The following AIM2 variants were observed in gnomAD, a reference collection of about 807,000 sequenced individuals.
AIM2 encodes the protein absent in melanoma 2.
A neutral mutation model predicts 27.7 loss-of-function variants in AIM2; 30 were observed. The ratio of observed to expected loss-of-function variants is 1.08; its 90% confidence interval spans 0.81 to 1.47. The LOEUF (loss-of-function observed/expected upper bound fraction) is 1.47. AIM2 is among the 40% of genes most tolerant of loss of function. The pLI is 0.00. For synonymous variants in AIM2, 141 were observed against 145.3 expected (o/e 0.97, Z 0.21); for missense variants, 358 against 411.3 (o/e 0.87, Z 1.12).
intron 1 of AIM2, among the ~76,000 whole-genome samples, chr1:159,104,193 C>T (rs866447188): frequency 5.6e-4 from 85 of 152,190 alleles, no homozygotes; most frequent in South Asian, 4.1e-4. Flanking sequence ...TGGAAAGAGA[C>T]TATTCCAAGA....
upstream of AIM2, among the ~76,000 whole-genome samples, chr1:159,078,502 A>G (rs1044608516): frequency 6.6e-5 from 10 of 152,208 alleles, no homozygotes; most frequent in African/African-American, 2.4e-4. Context: ...TTGAGGAAGA[A>G]CCCAACAAGC....
intron 1 of AIM2, among the ~76,000 whole-genome samples, chr1:159,104,233 C>A (rs1173047848): frequency 3.3e-5 from 5 of 152,194 alleles, no homozygotes; most frequent in Non-Finnish European, 7.4e-5. Context: ...GCCACGGTGA[C>A]AAGAGGGCTT....
chr1:159,091,122 T>C (rs749295735), intron 1 of AIM2, among the ~76,000 whole-genome samples: 2 of 152,216 alleles, frequency 1.3e-5, no homozygotes, highest in African/African-American at 2.4e-5. Context: ...AGAAATTGGC[T>C]TGTATGGTCC....
rs377764372 is a variant in AIM2 at position 159,094,878 on chromosome 1, G to C, written c.-15-28549C>G. On this transcript the variant is annotated intron_variant, in intron 1 of 2. Transcript: ENST00000368129. ...TGCTTTGTATGTCTAATTTATTTGG[G>C]GCCAATTATTCTTAGTCTAGGCTGC... Among the ~76,000 whole-genome samples, 12 of 151,428 alleles carry C rather than the reference G, an allele frequency of 7.9e-5. No individual in the cohort carries two copies. In the South Asian group the frequency reaches 2.5e-3, roughly 32 times the overall value.
intron 1 of AIM2, among the ~76,000 whole-genome samples, chr1:159,108,932 T>C (rs1657509827): frequency 1.3e-5 from 2 of 152,160 alleles, no homozygotes; most frequent in African/African-American, 4.8e-5. Flanking sequence ...TGCTCAGGGA[T>C]GGGTAGAATT....
At chr1:159,090,055 A>G (rs1679521225) in intron 1 of AIM2, among the ~76,000 whole-genome samples, 1 of 152,192 alleles carries the variant, frequency 6.6e-6, no homozygotes, top group Non-Finnish European at 1.5e-5. Flanking sequence ...GAGGAGGTTC[A>G]AGGTCACAGC....
chr1:159,126,755 A>T (rs1214255599), intron 1 of AIM2, among the ~76,000 whole-genome samples: 3 of 152,186 alleles, frequency 2.0e-5, no homozygotes, highest in Admixed American at 1.3e-4. Flanking sequence ...CCAATTCCCA[A>T]GTGTATAATC....
chr1:159,111,794 CA>C (rs1296847078), intron 1 of AIM2, among the ~76,000 whole-genome samples: 5,089 of 114,870 alleles, frequency 0.044, 395 homozygotes, highest in African/African-American at 0.19. Context: ...CCCGTCTCTA[CA>C]AAAAAAAAAA....
chr1:159,084,028 GCTAT>G (rs1253016674), intron 1 of AIM2, among the ~76,000 whole-genome samples: 1 of 152,132 alleles, frequency 6.6e-6, no homozygotes, highest in East Asian at 1.9e-4. Context: ...TTTTTCACAG[GCTAT>G]CTCATGTAAC....
At chr1:159,103,384 T>TC in intron 1 of AIM2, among the ~76,000 whole-genome samples, 1 of 151,660 alleles carries the variant, frequency 6.6e-6, no homozygotes, top group South Asian at 2.1e-4. Flanking sequence ...ATTCCCACTT[T>TC]TTTTTTTCCT....
chr1:159,080,449 CA>C (rs771013760), upstream of AIM2, among the ~76,000 whole-genome samples: 1 of 152,200 alleles, frequency 6.6e-6, no homozygotes, highest in Non-Finnish European at 1.5e-5. Context: ...AAGAATTGTT[CA>C]GACTTGTTTA....
Position 159,062,719 on chromosome 1 carries a change from C to CT in AIM2, c.1006-2dup, listed in dbSNP as rs769549106. The CT allele has an allele frequency of 2.3e-5, 37 of 1,612,742 alleles. No individual in the cohort carries two copies. The Admixed American group carries it at 5.5e-4, about 24-fold the overall frequency. On this transcript the variant is annotated splice_acceptor_variant, in intron 5 of 5. Coordinates refer to ENST00000368130, the MANE Select transcript of AIM2 (RefSeq NM_004833.3). LOFTEE classifies it high-confidence loss of function. ...ATGTTTTTTTTTTGGCCTTAATAAC[C>CT]TGGATGGAGAAAAAAAACATGCAGT...
intron 3 of AIM2, among the ~76,000 whole-genome samples, 183 bp downstream of exon 3, chr1:159,068,385 C>T (rs766293888): frequency 5.9e-5 from 9 of 152,180 alleles, no homozygotes; most frequent in Non-Finnish European, 1.0e-4. Flanking sequence ...AGAAGCTCAA[C>T]AGGTGTTTAA....
At chr1:159,126,696 A>G (rs985880241) in intron 1 of AIM2, among the ~76,000 whole-genome samples, 9 of 152,188 alleles carry the variant, frequency 5.9e-5, no homozygotes, top group African/African-American at 1.9e-4. Flanking sequence ...AAAGCAAGAA[A>G]GCATACCCTG....
At chr1:159,078,939 G>A (rs142898429), upstream of AIM2, among the ~76,000 whole-genome samples, 40 of 152,234 alleles carry the variant, frequency 2.6e-4, no homozygotes, top group Admixed American at 1.4e-3. Context: ...AGGCCCTTTC[G>A]TGCCAATCCT....
At chr1:159,082,226 C>T (rs1656794232) in intron 1 of AIM2, among the ~76,000 whole-genome samples, 3 of 152,126 alleles carry the variant, frequency 2.0e-5, no homozygotes, top group Admixed American at 1.3e-4. Flanking sequence ...AATTTTCAGC[C>T]TCGTCTTCTA....
intron 1 of AIM2, among the ~76,000 whole-genome samples, chr1:159,120,921 G>C (rs1221708723): frequency 1.3e-5 from 2 of 152,182 alleles, no homozygotes; most frequent in African/African-American, 2.4e-5. Context: ...GCAGTTACTA[G>C]TCCAATAATT....
At chr1:159,091,931 T>C (rs1339042310) in intron 1 of AIM2, among the ~76,000 whole-genome samples, 1 of 152,200 alleles carries the variant, frequency 6.6e-6, no homozygotes, top group Non-Finnish European at 1.5e-5. Context: ...AAGTTAGCAA[T>C]GTAGCAGGGC....
At chr1:159,069,683 C>A (rs1017053695) in intron 2 of AIM2, among the ~76,000 whole-genome samples, 1 of 151,964 alleles carries the variant, frequency 6.6e-6, no homozygotes, top group Non-Finnish European at 1.5e-5. Context: ...GCTGGGATTA[C>A]AGGCTCATGC....
Sources: gnomAD v4.1 joint callset for allele counts (sites outside exome capture counted in the v4.1 genomes callset) on GRCh38, gnomAD v4.1.1 for gene constraint, MANE v1.5 for transcripts, NCBI Gene and HGNC (gene_info 2026-07-23, HGNC 2026-07-21) for gene names.